TOR1A: variants seen among roughly 807,000 people sequenced by gnomAD.
TOR1A encodes the protein torsin family 1 member A.
TOR1A carries 18 observed loss-of-function variants against 31.4 expected under a neutral mutation model. The ratio of observed to expected loss-of-function variants is 0.57; its 90% confidence interval spans 0.40 to 0.85. The LOEUF is 0.85. Among genes scored for constraint, TOR1A ranks in the 40% least tolerant of loss-of-function variants. TOR1A has a pLI of 0.00. For synonymous variants in TOR1A, 168 were observed against 165.9 expected, an observed-to-expected ratio of 1.01 and a Z score of -0.10; for missense variants, 375 against 416.4, an observed-to-expected ratio of 0.90 and a Z score of 0.87.
At position 129,823,933 on chromosome 9, in the gene TOR1A, C is replaced by T. The variant is rs754509225; in HGVS notation, c.153G>A (p.Gly51=). The part of the protein sequence containing the change: ...RLYCLFAECC[G]QKRSLSREAL... ...CCTCCCGGCTAAGGCTCCGCTTCTGCCCGCAGCACTCGGCGAAGAGGCAGT... is the reference window on the plus strand; with the variant it reads ...CCTCCCGGCTAAGGCTCCGCTTCTGTCCGCAGCACTCGGCGAAGAGGCAGT... Residue 51 remains glycine (G), a synonymous_variant, in exon 1 of 5, where the codon GGG becomes GGA. Transcript: ENST00000351698. 3.0e-5 allele frequency: 48 copies of T among 1,606,386 alleles called. No homozygotes were observed. Among genetic ancestry groups the T allele is most frequent in the Non-Finnish European group, 3.7e-5 (44 of 1,177,804 alleles).
At position 129,814,321 on chromosome 9, in the gene TOR1A, A is replaced by G; in HGVS notation, c.749-99T>C. ...TACCTACCCTCCCATCCGTCCCACAAACGTCTACTGGGGGTCACCTATCCA... is the reference window on the plus strand; with the variant it reads ...TACCTACCCTCCCATCCGTCCCACAGACGTCTACTGGGGGTCACCTATCCA... On this transcript the variant is annotated intron_variant, in intron 4 of 4. Coordinates refer to ENST00000351698, the MANE Select transcript of TOR1A (RefSeq NM_000113.3). 3.2e-6 allele frequency: 5 copies of G among 1,576,166 alleles called. No homozygotes were observed. The South Asian group carries it at 4.5e-5, about 14-fold the overall frequency.
At chr9:129,820,571 G>A (rs2031159920) in intron 2 of TOR1A, among the ~76,000 whole-genome samples, 1 of 152,152 alleles carries the variant, frequency 6.6e-6, no homozygotes, top group African/African-American at 2.4e-5. Flanking sequence ...TCAATTCTAA[G>A]ATGATCAACT....
chr9:129,819,604 C>A (rs545506399), intron 2 of TOR1A, among the ~76,000 whole-genome samples: 1 of 151,744 alleles, frequency 6.6e-6, no homozygotes, highest in South Asian at 2.1e-4. Context: ...AAAAAAAATA[C>A]AAAAAAATTA....
chr9:129,823,925 C>T lies in TOR1A; in HGVS notation c.161G>A (p.Arg54Gln), dbSNP rs947320138. 6.2e-7 allele frequency: 1 copy of T among 1,604,132 alleles called. No homozygotes were observed. The highest frequency in any genetic ancestry group is 2.3e-5 in the East Asian group (1 of 44,402). Residue 54 changes from arginine to glutamine, a missense_variant, in exon 1 of 5, where the codon CGG becomes CAG. Coordinates refer to ENST00000351698, the MANE Select transcript of TOR1A (RefSeq NM_000113.3). ...CLFAECCGQK[R>Q]SLSREALQKD... ...CAGCCTACCCTCCCGGCTAAGGCTC[C>T]GCTTCTGCCCGCAGCACTCGGCGAA...
In TOR1A at chr9:129,822,664, C is replaced by T. The variant is rs199535970; in HGVS notation, c.361G>A (p.Glu121Lys). Residue 121 changes from glutamate to lysine, a missense_variant, in exon 2 of 5, where the codon GAG becomes AAG. Physicochemically the swap from Glu to Lys is moderately conservative, Grantham distance 56 (BLOSUM62 1). Coordinates refer to ENST00000351698, the MANE Select transcript of TOR1A (RefSeq NM_000113.3). ...VSKIIAENIYEGGLNSDYVHL... is the reference protein window; with the variant it reads ...VSKIIAENIYKGGLNSDYVHL... ...ACATAGTCACTGTTCAGACCACCCT[C>T]GTAAATATTCTCTGCGATGATCTTG... 260 of 1,614,078 alleles carry T rather than the reference C, an allele frequency of 1.6e-4. No homozygotes were observed. Among genetic ancestry groups the T allele is most frequent in the Non-Finnish European group, 1.3e-4 (157 of 1,180,048 alleles).
At position 129,818,549 on chromosome 9, in the gene TOR1A, A is replaced by G. The variant is rs377358943; in HGVS notation, c.719T>C (p.Leu240Ser). 6.8e-5 allele frequency: 109 copies of G among 1,614,104 alleles called. No individual in the cohort carries two copies. Among genetic ancestry groups the G allele is most frequent in the Non-Finnish European group, 8.4e-5 (99 of 1,180,048 alleles). Residue 240 changes from leucine to serine, a missense_variant, in exon 4 of 5, where the codon TTG becomes TCG. Leu to Ser is a moderately radical substitution (Grantham distance 145). Coordinates refer to ENST00000351698, the MANE Select transcript of TOR1A (RefSeq NM_000113.3). ...DIKLKDIEHA[L>S]SVSVFNNKNS... ...CTTGTTATTGAAAACCGACACAGAC[A>G]ACGCGTGTTCAATGTCTTTGAGCTT...
At chr9:129,823,347 G>A in intron 1 of TOR1A, 1 of 289,026 alleles carries the variant, frequency 3.5e-6, no homozygotes. Flanking sequence ...AGTCTGGCAC[G>A]TCTGTGGTCA....
At position 129,813,682 on chromosome 9, in the gene TOR1A, A is replaced by G; in HGVS notation, c.*290T>C. On this transcript the variant is annotated 3_prime_UTR_variant, in exon 5 of 5. Coordinates refer to ENST00000351698, the MANE Select transcript of TOR1A (RefSeq NM_000113.3). ...CCTTCCTTGAAACAGAAACACTTGG[A>G]ATTAAAACATAATTTGTAAAAAATC... 2.0e-6 allele frequency: 1 copy of G among 507,326 alleles called. No individual in the cohort carries two copies. The highest frequency in any genetic ancestry group is 3.6e-6 in the Non-Finnish European group (1 of 281,410). The allele number at this position is 507,326 out of a possible 1,614,324, so 31.4% of individuals were successfully genotyped here. A position where few individuals can be genotyped will look rare whatever the true frequency, so the allele number is the denominator to read the frequency against.
chr9:129,818,090 T>G (rs1003134775), intron 4 of TOR1A, among the ~76,000 whole-genome samples: 1 of 151,926 alleles, frequency 6.6e-6, no homozygotes, highest in Non-Finnish European at 1.5e-5. Flanking sequence ...GCGGATCACC[T>G]GAGGTAAGAG....
Position 129,818,737 on chromosome 9 carries a change from G to T in TOR1A, c.620+8C>A, listed in dbSNP as rs2031104991. 1 of 1,613,316 alleles carries T rather than the reference G, an allele frequency of 6.2e-7. No homozygotes were observed. The highest frequency in any genetic ancestry group is 1.7e-5 in the Admixed American group (1 of 59,984). On this transcript the variant is annotated splice_region_variant and intron_variant, in intron 3 of 4. Transcript: ENST00000351698. ...GGCCCATCCATCATGTCCTAGCCCTGACCTTACCTGAGAAATATGAACATG... is the reference window on the plus strand; with the variant it reads ...GGCCCATCCATCATGTCCTAGCCCTTACCTTACCTGAGAAATATGAACATG...
intron 2 of TOR1A, chr9:129,822,310 CTAA>C: frequency 9.8e-6 from 5 of 508,924 alleles, no homozygotes; most frequent in South Asian, 1.9e-5. Context: ...GTGTTGATCT[CTAA>C]GATGGATTTG....
chr9:129,814,328 A>G (rs2030977691), intron 4 of TOR1A, 106 bp from the exon 5 acceptor site: 3 of 1,549,622 alleles, frequency 1.9e-6, no homozygotes, highest in Admixed American at 1.8e-5. Flanking sequence ...ACAAACGTCT[A>G]CTGGGGGTCA....
Position 129,818,277 on chromosome 9 carries a change from T to C in TOR1A, c.748+243A>G. ...AAGGTTACGCCACTGCACTCCAGCC[T>C]AGGTGACAGAGTAAAACTATCTGAA... is the stretch of plus-strand genomic sequence containing the variant. On this transcript the variant is annotated intron_variant, in intron 4 of 4. Transcript: ENST00000351698. 7.0e-6 allele frequency: 4 copies of C among 571,866 alleles called. 1 individual carries two copies. The South Asian group carries it at 7.7e-5, about 11-fold the overall frequency. The allele number at this position is 571,866 out of a possible 1,614,324, so 35.4% of individuals were successfully genotyped here. A position where few individuals can be genotyped will look rare whatever the true frequency, so the allele number is the denominator to read the frequency against.
chr9:129,815,123 G>A (rs1453751094), intron 4 of TOR1A, among the ~76,000 whole-genome samples: 1 of 152,224 alleles, frequency 6.6e-6, no homozygotes, highest in Non-Finnish European at 1.5e-5. Context: ...GTCTTCTACT[G>A]AGCTGATTCC....
At chr9:129,817,427 G>A (rs1274360703) in intron 4 of TOR1A, among the ~76,000 whole-genome samples, 2 of 151,992 alleles carry the variant, frequency 1.3e-5, no homozygotes, top group Admixed American at 6.6e-5. Flanking sequence ...CTGGCCAGGC[G>A]TGGTGGCTCA....
chr9:129,819,248 C>T (rs551262130), intron 2 of TOR1A, among the ~76,000 whole-genome samples: 5 of 152,156 alleles, frequency 3.3e-5, no homozygotes, highest in African/African-American at 7.2e-5. Context: ...AGATGCCACA[C>T]GGATGCTGTC....
chr9:129,815,421 G>A (rs797007883), intron 4 of TOR1A, among the ~76,000 whole-genome samples: 3 of 152,360 alleles, frequency 2.0e-5, no homozygotes, highest in African/African-American at 7.2e-5. Context: ...GAGGGCAGAC[G>A]GACCTCACGG....
chr9:129,818,228 G>A (rs1053977814), intron 4 of TOR1A: 18 of 432,060 alleles, frequency 4.2e-5, no homozygotes, highest in East Asian at 3.1e-4. Context: ...GCTTGAGCCC[G>A]GGAGGCAGAG....
chr9:129,818,959 G>C (rs1361929326), intron 2 of TOR1A, 39 bp from the exon 3 acceptor site: 3 of 1,603,340 alleles, frequency 1.9e-6, no homozygotes, highest in Non-Finnish European at 2.5e-6. Flanking sequence ...AAAGTTCTCA[G>C]CCAGGGCCAT....
Sources: allele counts gnomAD v4.1 joint callset (sites outside exome capture counted in the v4.1 genomes callset), GRCh38; gene constraint gnomAD v4.1.1; transcripts MANE v1.5; gene names NCBI Gene and HGNC (gene_info 2026-07-23, HGNC 2026-07-21).